The following RBM33 variants were observed in gnomAD, a reference collection of about 807,000 sequenced individuals.
RBM33 encodes the protein RNA binding motif protein 33.
In RBM33, 28 loss-of-function variants were observed where a neutral mutation model predicts 132.6. That is an observed-to-expected ratio of 0.21 (90% confidence interval 0.16 to 0.29). RBM33 has a LOEUF of 0.29. Ranked by LOEUF, RBM33 falls within the 10% of genes least tolerant of loss-of-function variation. The probability of loss-of-function intolerance (pLI) is 1.00; values close to 1 mark genes in which losing one functional copy is unlikely to be tolerated. For synonymous variants in RBM33, 634 were observed against 593.0 expected (o/e 1.07, Z -1.01); for missense variants, 1,291 against 1,518.5 (o/e 0.85, Z 2.49).
chr7:155,673,591 T>TACACACACATATAC (rs1563137562), intron 3 of RBM33, among the ~76,000 whole-genome samples: 3 of 94,924 alleles, frequency 3.2e-5, no homozygotes, highest in African/African-American at 4.5e-5. Context: ...TGTATATATA[T>TACACACACATATAC]ATACACACAT....
chr7:155,754,239 G>A (rs145381644), intron 14 of RBM33, among the ~76,000 whole-genome samples: 83 of 152,302 alleles, frequency 5.4e-4, no homozygotes, highest in Middle Eastern at 3.4e-3. Flanking sequence ...CTAGGAATCA[G>A]GATTAGCTCA....
intron 2 of RBM33, among the ~76,000 whole-genome samples, chr7:155,671,726 GA>G (rs1563136315): frequency 2.0e-5 from 3 of 152,166 alleles, no homozygotes; most frequent in Non-Finnish European, 1.5e-5. Flanking sequence ...AAATCTCCAT[GA>G]GTATTGGCAC....
In RBM33 at chr7:155,774,592, A is replaced by G; in HGVS notation, c.3409A>G (p.Ile1137Val). ...LQMLPQQRKAIAKFKEPAHAL... is the reference protein window; with the variant it reads ...LQMLPQQRKAVAKFKEPAHAL... ...GATGCTTCCTCAGCAACGGAAAGCC[A>G]TAGCTAAGTTCAAGGAGCCAGCCCA... The change falls in exon 17 of 18, where the codon ATA becomes GTA. Residue 1137 changes from isoleucine to valine, a missense_variant. Coordinates refer to ENST00000401878, the MANE Select transcript of RBM33 (RefSeq NM_053043.3). The surrounding 1 kb of genome is among the most constrained non-coding windows in gnomAD (Gnocchi z 4.2). 6.2e-7 allele frequency: 1 copy of G among 1,613,980 alleles called. No individual in the cohort carries two copies. Among genetic ancestry groups the G allele is most frequent in the Non-Finnish European group, 8.5e-7 (1 of 1,179,836 alleles).
In RBM33 at chr7:155,780,583, A is replaced by T. The variant is rs1802783201; in HGVS notation, c.*5542A>T. The T allele has an allele frequency of 6.6e-6, 1 of 152,246 alleles. No homozygotes were observed. The highest frequency in any genetic ancestry group is 6.5e-5 in the Admixed American group (1 of 15,272). The allele number at this position is 152,246 out of a possible 1,614,324, so 9.4% of individuals were successfully genotyped here. A position where few individuals can be genotyped will look rare whatever the true frequency, so the allele number is the denominator to read the frequency against. On this transcript the variant is annotated 3_prime_UTR_variant, in exon 18 of 18. Coordinates refer to ENST00000401878, the MANE Select transcript of RBM33 (RefSeq NM_053043.3). Reference sequence around the variant, plus strand: ...TGGCTAAACCCATCTACCATTCTTAACACTGGTAGCTCCTGTCCCATTCCA... The same window carrying T: ...TGGCTAAACCCATCTACCATTCTTATCACTGGTAGCTCCTGTCCCATTCCA...
chr7:155,700,701 CA>C (rs1799936763), intron 5 of RBM33, 71 bp from the exon 6 acceptor site: 1 of 1,083,418 alleles, frequency 9.2e-7, no homozygotes, highest in Admixed American at 2.8e-5. Context: ...AATATTTTAG[CA>C]TTCTTTAATA....
chr7:155,739,649 A>G, intron 11 of RBM33, 66 bp from the exon 12 acceptor site: 1 of 1,449,174 alleles, frequency 6.9e-7, no homozygotes, highest in Non-Finnish European at 9.1e-7. Flanking sequence ...TTAGGAAATG[A>G]TTGAAGTGAT....
intron 9 of RBM33, among the ~76,000 whole-genome samples, chr7:155,724,815 C>T (rs768323276): frequency 2.0e-5 from 3 of 152,092 alleles, no homozygotes; most frequent in Non-Finnish European, 4.4e-5. Flanking sequence ...TAGTATAACG[C>T]GTTTGAGATT....
intron 1 of RBM33, 125 bp downstream of exon 1, chr7:155,645,044 G>A: frequency 1.5e-6 from 1 of 667,882 alleles, no homozygotes; most frequent in Non-Finnish European, 2.3e-6. Context: ...TTTGTGTTCG[G>A]CCTATTCCGT....
At chr7:155,732,752 G>A (rs181098261) in intron 9 of RBM33, among the ~76,000 whole-genome samples, 5 of 152,330 alleles carry the variant, frequency 3.3e-5, no homozygotes, top group African/African-American at 1.2e-4. Context: ...GGATGCCGAG[G>A]GCCTTGCAGG....
chr7:155,677,391 G>A (rs1035158546), intron 3 of RBM33, among the ~76,000 whole-genome samples: 7 of 151,964 alleles, frequency 4.6e-5, no homozygotes, highest in African/African-American at 1.4e-4. Flanking sequence ...TGTACTTTTA[G>A]TAGAGTCAGG....
intron 2 of RBM33, among the ~76,000 whole-genome samples, chr7:155,666,830 T>G (rs1563134367): frequency 2.0e-5 from 3 of 152,220 alleles, no homozygotes; most frequent in Non-Finnish European, 2.9e-5. Context: ...TGTGTTTCCT[T>G]AAAAAATAGT....
Position 155,774,856 on chromosome 7 carries a change from T to TC in RBM33, c.3465-134dup. ...TTGCCCCTTGTGTTTTAATAGATCT[T>TC]CCCGGGGAATCTGCCTTTTTATATG... On this transcript the variant is annotated intron_variant, in intron 17 of 17. Coordinates refer to ENST00000401878, the MANE Select transcript of RBM33 (RefSeq NM_053043.3). This position sits in a 1 kb window ranked among gnomAD's most constrained non-coding sequence, Gnocchi z 4.2. The TC allele has an allele frequency of 1.2e-6, 1 of 818,492 alleles. No homozygotes were observed. Among genetic ancestry groups the TC allele is most frequent in the East Asian group, 2.6e-5 (1 of 38,928 alleles). The allele number at this position is 818,492 out of a possible 1,614,324, so 50.7% of individuals were successfully genotyped here.
intron 9 of RBM33, among the ~76,000 whole-genome samples, chr7:155,727,883 A>G (rs1357244754): frequency 1.3e-5 from 2 of 152,126 alleles, no homozygotes; most frequent in East Asian, 3.9e-4. Context: ...CTCTCACCGC[A>G]GCCTCAAGTA....
chr7:155,776,447 C>T lies in RBM33; in HGVS notation c.*1406C>T, dbSNP rs1188154301. 1.3e-5 allele frequency: 2 copies of T among 152,230 alleles called. No individual in the cohort carries two copies. The highest frequency in any genetic ancestry group is 2.4e-5 in the African/African-American group (1 of 41,460). The allele number at this position is 152,230 out of a possible 1,614,324, so 9.4% of individuals were successfully genotyped here. On this transcript the variant is annotated 3_prime_UTR_variant, in exon 18 of 18. Transcript: ENST00000401878. The surrounding 1 kb of genome is among the most constrained non-coding windows in gnomAD (Gnocchi z 4.0). Reference sequence around the variant, plus strand: ...AGAAGGAAGGGACTAAGGAGACGGGCACAGACTTGCGTCATCTCGTTTCCA... The same window carrying T: ...AGAAGGAAGGGACTAAGGAGACGGGTACAGACTTGCGTCATCTCGTTTCCA...
At chr7:155,687,315 T>C (rs1799510338) in intron 5 of RBM33, among the ~76,000 whole-genome samples, 2 of 152,260 alleles carry the variant, frequency 1.3e-5, no homozygotes, top group South Asian at 4.1e-4. Context: ...TCACCCACTT[T>C]TTGATGGGGT....
rs182768988 is a variant in RBM33, at chr7:155,692,584, G to A, written c.568-8189G>A. Reference sequence around the variant, plus strand: ...GGCTCTCTTCACACGGCCCAGTTGGGAGTGGGGCTTCTTGGAGCTGGTGCA... The same window carrying A: ...GGCTCTCTTCACACGGCCCAGTTGGAAGTGGGGCTTCTTGGAGCTGGTGCA... On this transcript the variant is annotated intron_variant, in intron 5 of 17. Coordinates refer to ENST00000401878, the MANE Select transcript of RBM33 (RefSeq NM_053043.3). Among the ~76,000 whole-genome samples, 332 of 152,302 alleles carry A rather than the reference G, an allele frequency of 2.2e-3. 2 individuals are homozygous for A. The highest frequency in any genetic ancestry group is 7.3e-3 in the African/African-American group (304 of 41,560).
Position 155,714,731 on chromosome 7 carries a change from G to A in RBM33, c.1201+3276G>A, listed in dbSNP as rs77300297. On this transcript the variant is annotated intron_variant, in intron 8 of 17. Transcript: ENST00000401878. ...GTGGTGGATGCTGCTGATGGGTGGGGAATTTGGGATTCCTAAGGGTGTGGG... is the reference window on the plus strand; with the variant it reads ...GTGGTGGATGCTGCTGATGGGTGGGAAATTTGGGATTCCTAAGGGTGTGGG... Among the ~76,000 whole-genome samples the A allele has an allele frequency of 9.1e-3, 1,391 of 152,290 alleles. 14 individuals are homozygous for A. Among genetic ancestry groups the A allele is most frequent in the African/African-American group, 0.032 (1,312 of 41,556 alleles).
chr7:155,644,967 G>T lies in RBM33; in HGVS notation c.43+48G>T, dbSNP rs1240274968. 2.8e-6 allele frequency: 4 copies of T among 1,433,446 alleles called. No individual in the cohort carries two copies. The African/African-American group carries it at 4.4e-5, about 16-fold the overall frequency. The allele number at this position is 1,433,446 out of a possible 1,614,324, so 88.8% of individuals were successfully genotyped here. A position where few individuals can be genotyped will look rare whatever the true frequency, so the allele number is the denominator to read the frequency against. On this transcript the variant is annotated intron_variant, in intron 1 of 17. Transcript: ENST00000401878. ...GGGGGCCAGGACCGCGCCGCGGTGG[G>T]CGGGGGTGTAGGCCGGGGGGCCTCC...
intron 9 of RBM33, among the ~76,000 whole-genome samples, chr7:155,720,843 TG>T (rs1329770105): frequency 2.0e-5 from 3 of 152,202 alleles, no homozygotes; most frequent in African/African-American, 2.4e-5. Context: ...TTTCTGTATT[TG>T]GGGTTCAATC....
Sources: gnomAD v4.1 joint callset for allele counts (sites outside exome capture counted in the v4.1 genomes callset) on GRCh38, gnomAD v4.1.1 for gene constraint, Gnocchi (gnomAD v3.1) non-coding constraint, MANE v1.5 for transcripts, NCBI Gene and HGNC (gene_info 2026-07-23, HGNC 2026-07-21) for gene names.